Variants in EPB41 observed in about 807,000 individuals in gnomAD.
EPB41 encodes erythrocyte membrane protein band 4.1.
A neutral mutation model predicts 108.0 loss-of-function variants in EPB41; 65 were observed. That is an observed-to-expected ratio of 0.60 (90% CI 0.49 to 0.74). The LOEUF (loss-of-function observed/expected upper bound fraction) is 0.74. EPB41 is among the 30% of genes least tolerant of loss of function. The pLI is 0.00. For synonymous variants in EPB41, 336 were observed against 358.9 expected (o/e 0.94, Z 0.72); for missense variants, 875 against 1,037.0 (o/e 0.84, Z 2.15).
At chr1:28,894,685 T>A (rs1462107131) in intron 1 of EPB41, among the ~76,000 whole-genome samples, 1 of 151,990 alleles carries the variant, frequency 6.6e-6, no homozygotes, top group African/African-American at 2.4e-5. Context: ...CTTGTCCAGG[T>A]GTGACCCTGG....
chr1:29,049,183 A>G (rs1644054036), intron 11 of EPB41, among the ~76,000 whole-genome samples: 1 of 152,202 alleles, frequency 6.6e-6, no homozygotes. Flanking sequence ...GTTTTATGAT[A>G]GAGTAGTAAG....
At chr1:28,948,262 G>A (rs901587212) in intron 1 of EPB41, among the ~76,000 whole-genome samples, 2 of 151,868 alleles carry the variant, frequency 1.3e-5, no homozygotes, top group African/African-American at 4.8e-5. Context: ...GCCTGTAATC[G>A]CAGCACTTTG....
upstream of EPB41, among the ~76,000 whole-genome samples, chr1:28,911,740 A>G (rs2092265762): frequency 6.6e-6 from 1 of 152,184 alleles, no homozygotes; most frequent in African/African-American, 2.4e-5. Flanking sequence ...GCAGGAGACC[A>G]GAGTATTTAA....
chr1:29,081,021 G>T (rs998887430), intron 16 of EPB41, among the ~76,000 whole-genome samples: 1 of 152,072 alleles, frequency 6.6e-6, no homozygotes, highest in South Asian at 2.1e-4. Context: ...GTTTTCAGCC[G>T]ATCAGCAAGA....
chr1:28,921,027 C>T (rs1441439985), intron 1 of EPB41, among the ~76,000 whole-genome samples: 2 of 152,096 alleles, frequency 1.3e-5, no homozygotes, highest in Non-Finnish European at 2.9e-5. Context: ...TCTCAGCCAC[C>T]TAAATAGCTG....
In EPB41 at chr1:29,117,336, G is replaced by A. The variant is rs1047217526; in HGVS notation, c.*524G>A. ...GATGTGAGTGTATCAGAATGCCAGG[G>A]AGGGCACCAGCCCTGATCCACAGAC... On this transcript the variant is annotated 3_prime_UTR_variant, in exon 21 of 21. Transcript: ENST00000343067. 6.5e-6 allele frequency: 1 copy of A among 152,712 alleles called. No homozygotes were observed. The highest frequency in any genetic ancestry group is 6.5e-5 in the Admixed American group (1 of 15,272). 9.5% of individuals were successfully genotyped at this position (152,712 alleles called of 1,614,324 possible).
In EPB41 at chr1:28,960,660, G is replaced by A. The variant is rs549791913; in HGVS notation, c.-7-26771G>A. Reference sequence around the variant, plus strand: ...TAGGAGGATCATTTGAGCCTGAGAGGTTGACGCTGAAGTGAGCTGAGATTG... The same window carrying A: ...TAGGAGGATCATTTGAGCCTGAGAGATTGACGCTGAAGTGAGCTGAGATTG... On this transcript the variant is annotated intron_variant, in intron 1 of 20. Transcript: ENST00000343067. Among the ~76,000 whole-genome samples the A allele has an allele frequency of 4.6e-5, 7 of 151,956 alleles. No individual in the cohort carries two copies. In the South Asian group the frequency reaches 8.3e-4, roughly 18 times the overall value.
chr1:29,062,949 C>G (rs1646802255), intron 15 of EPB41, among the ~76,000 whole-genome samples: 1 of 152,162 alleles, frequency 6.6e-6, no homozygotes, highest in Non-Finnish European at 1.5e-5. Flanking sequence ...AGGTTCCAAG[C>G]CAATCCGAAG....
intron 11 of EPB41, among the ~76,000 whole-genome samples, chr1:29,044,349 G>A (rs1642520957): frequency 6.6e-6 from 1 of 152,184 alleles, no homozygotes; most frequent in South Asian, 2.1e-4. Flanking sequence ...TACTATGCCT[G>A]ATGTATTGTC....
intron 9 of EPB41, 95 bp from the exon 10 acceptor site, chr1:29,035,731 C>T (rs1639197339): frequency 1.1e-6 from 1 of 942,102 alleles, no homozygotes; most frequent in Non-Finnish European, 1.7e-6. Context: ...ATGGCCTCTT[C>T]TGTGGCACCA....
chr1:28,915,820 TTG>T (rs1193441881), intron 1 of EPB41, among the ~76,000 whole-genome samples: 4 of 148,988 alleles, frequency 2.7e-5, no homozygotes, highest in African/African-American at 4.9e-5. Context: ...CAAGAAATGG[TTG>T]TGTCTTGTGT....
At position 28,986,616 on chromosome 1, in the gene EPB41, G is replaced by A. The variant is rs2095873678; in HGVS notation, c.-7-815G>A. The stretch of plus-strand genomic sequence containing the variant: ...AAATCATGTTTATCAGGAGAAAAAA[G>A]AGACTGAAAGAGCTTAAAATGGGAT... On this transcript the variant is annotated intron_variant, in intron 1 of 20. Coordinates refer to ENST00000343067, the MANE Select transcript of EPB41 (RefSeq NM_001376013.1). Among the ~76,000 whole-genome samples the A allele has an allele frequency of 2.6e-5, 4 of 152,246 alleles. No individual in the cohort carries two copies. In the South Asian group the frequency reaches 8.3e-4, roughly 32 times the overall value.
intron 11 of EPB41, among the ~76,000 whole-genome samples, chr1:29,049,483 G>C (rs1644108471): frequency 6.6e-6 from 1 of 152,114 alleles, no homozygotes; most frequent in African/African-American, 2.4e-5. Flanking sequence ...CTCACTCTTG[G>C]ATAGCTCATC....
chr1:29,106,606 C>T (rs1368564670), intron 17 of EPB41, among the ~76,000 whole-genome samples: 2 of 101,614 alleles, frequency 2.0e-5, no homozygotes, highest in Admixed American at 3.0e-4. Flanking sequence ...TGGAGTCTTC[C>T]TCTGTTACCC....
At chr1:28,986,400 C>T (rs2095870112) in intron 1 of EPB41, among the ~76,000 whole-genome samples, 1 of 152,140 alleles carries the variant, frequency 6.6e-6, no homozygotes, top group African/African-American at 2.4e-5. Context: ...TATTGTGAAG[C>T]TTGACTTATA....
intron 1 of EPB41, among the ~76,000 whole-genome samples, chr1:28,938,536 T>TTC: frequency 2.0e-5 from 1 of 49,130 alleles, no homozygotes; most frequent in East Asian, 8.6e-3. Context: ...GATTTTTGAA[T>TTC]TTTTTTTTTT....
intron 11 of EPB41, among the ~76,000 whole-genome samples, chr1:29,052,213 C>T (rs1644651580): frequency 6.6e-6 from 1 of 152,066 alleles, no homozygotes; most frequent in African/African-American, 2.4e-5. Flanking sequence ...CAACTTTTCC[C>T]CTAAATTAAG....
rs1272939309 is a variant in EPB41, at chr1:28,947,104, C to T, written c.-8+32336C>T. Among the ~76,000 whole-genome samples the T allele has an allele frequency of 2.0e-5, 3 of 152,130 alleles. No homozygotes were observed. The East Asian group carries it at 5.8e-4, about 29-fold the overall frequency. On this transcript the variant is annotated intron_variant, in intron 1 of 20. Coordinates refer to ENST00000343067, the MANE Select transcript of EPB41 (RefSeq NM_001376013.1). Reference sequence around the variant, plus strand: ...AGGCCAAATTAATGGATCAGTGTAACTTTAAACTTGTTGCTTAATTTTGAA... The same window carrying T: ...AGGCCAAATTAATGGATCAGTGTAATTTTAAACTTGTTGCTTAATTTTGAA...
chr1:29,012,006 G>T, intron 5 of EPB41, 99 bp downstream of exon 5: 1 of 1,253,840 alleles, frequency 8.0e-7, no homozygotes, highest in South Asian at 1.3e-5. Context: ...TTAGAATCCT[G>T]ACTACTGCAG....
Sources: gnomAD v4.1 joint callset for allele counts (sites outside exome capture counted in the v4.1 genomes callset) on GRCh38, gnomAD v4.1.1 for gene constraint, MANE v1.5 for transcripts, NCBI Gene and HGNC (gene_info 2026-07-23, HGNC 2026-07-21) for gene names.